DSCAM: variants seen among roughly 807,000 people sequenced by gnomAD.
DSCAM encodes cell adhesion molecule DSCAM.
In DSCAM, 47 loss-of-function variants were observed where a neutral mutation model predicts 217.7. The observed-to-expected ratio is 0.22, with a 90% CI of 0.17 to 0.28. The LOEUF (loss-of-function observed/expected upper bound fraction) is 0.28. Ranked by LOEUF, DSCAM falls within the 10% of genes least tolerant of loss-of-function variation. The pLI is 1.00. For missense variants in DSCAM, 2,080 were observed against 2,618.3 expected, an observed-to-expected ratio of 0.79 and a Z score of 4.49; for synonymous variants, 1,056 against 1,015.3, an observed-to-expected ratio of 1.04 and a Z score of -0.76.
At chr21:40,388,640 A>G (rs201592692) in intron 3 of DSCAM, among the ~76,000 whole-genome samples, 1 of 151,628 alleles carries the variant, frequency 6.6e-6, no homozygotes, top group Non-Finnish European at 1.5e-5. Flanking sequence ...GCCATTTTAA[A>G]CCCCCCCTCC....
chr21:40,543,839 GT>G (rs1315907746), intron 3 of DSCAM, among the ~76,000 whole-genome samples: 2 of 151,918 alleles, frequency 1.3e-5, no homozygotes, highest in African/African-American at 4.8e-5. Flanking sequence ...CTGTTTAAAA[GT>G]TTTATTTCAT....
At chr21:40,589,644 T>C (rs954339063) in intron 3 of DSCAM, among the ~76,000 whole-genome samples, 16 of 152,220 alleles carry the variant, frequency 1.1e-4, no homozygotes, top group African/African-American at 3.4e-4. Context: ...TTTTAAGATA[T>C]AAGGTATCAT....
intron 3 of DSCAM, among the ~76,000 whole-genome samples, chr21:40,638,583 C>T (rs536656311): frequency 2.0e-5 from 3 of 152,254 alleles, no homozygotes; most frequent in Non-Finnish European, 4.4e-5. Flanking sequence ...TAATTCAGAT[C>T]GTTTCCTCTG....
intron 8 of DSCAM, among the ~76,000 whole-genome samples, chr21:40,333,870 G>A (rs563760122): frequency 6.6e-6 from 1 of 152,264 alleles, no homozygotes; most frequent in East Asian, 1.9e-4. Flanking sequence ...AAGTAGCTGG[G>A]ATTACAGCAG....
intron 1 of DSCAM, among the ~76,000 whole-genome samples, chr21:40,778,854 A>G (rs2091513281): frequency 6.6e-6 from 1 of 151,896 alleles, no homozygotes; most frequent in Non-Finnish European, 1.5e-5. Context: ...GAGAAAACCC[A>G]TCTCTACTAA....
intron 6 of DSCAM, among the ~76,000 whole-genome samples, chr21:40,340,712 T>G (rs1463311761): frequency 6.6e-6 from 1 of 152,246 alleles, no homozygotes; most frequent in African/African-American, 2.4e-5. Flanking sequence ...TTTTTGATTT[T>G]ATTATAAAAG....
At chr21:40,242,607 G>A (rs753327733) in intron 11 of DSCAM, among the ~76,000 whole-genome samples, 7 of 152,202 alleles carry the variant, frequency 4.6e-5, no homozygotes, top group African/African-American at 7.2e-5. Context: ...AATGAGTTGT[G>A]AGCAGAAGTG....
At position 40,556,664 on chromosome 21, in the gene DSCAM, A is replaced by AGC. The variant is rs1555856744; in HGVS notation, c.508+136145_508+136146insGC. On this transcript the variant is annotated intron_variant, in intron 3 of 32. Coordinates refer to ENST00000400454, the MANE Select transcript of DSCAM (RefSeq NM_001389.5). The stretch of plus-strand genomic sequence containing the variant: ...GAGACAGAGGAAGTCAGAGAGAGAG[A>AGC]GGGGAGGTACCAGAATCTTTTTAAA... Among the ~76,000 whole-genome samples the AGC allele has an allele frequency of 5.9e-5, 9 of 151,514 alleles. No individual in the cohort carries two copies. In the East Asian group the frequency reaches 9.8e-4, roughly 17 times the overall value.
chr21:40,098,019 G>T (rs1033983663), intron 20 of DSCAM, among the ~76,000 whole-genome samples: 4 of 121,146 alleles, frequency 3.3e-5, no homozygotes, highest in Admixed American at 1.6e-4. Context: ...AGAAAGAAAT[G>T]TACTTGAAAT....
At chr21:40,480,263 C>A (rs935044542) in intron 3 of DSCAM, among the ~76,000 whole-genome samples, 2 of 152,182 alleles carry the variant, frequency 1.3e-5, no homozygotes, top group Non-Finnish European at 2.9e-5. Flanking sequence ...TAGTCTCTTT[C>A]TAGATGTGGC....
chr21:40,066,916 A>G (rs2146527945), intron 27 of DSCAM, among the ~76,000 whole-genome samples: 1 of 152,336 alleles, frequency 6.6e-6, no homozygotes, highest in South Asian at 2.1e-4. Context: ...TCAGTCTATA[A>G]TGTCCAGAAT....
chr21:40,620,496 A>G lies in DSCAM; in HGVS notation c.508+72314T>C, dbSNP rs559471908. On this transcript the variant is annotated intron_variant, in intron 3 of 32. Transcript: ENST00000400454. Reference sequence around the variant, plus strand: ...GAAAAAGGGAAGGGAAGGGAGAGAGAGGGAGGGAGGGGAGGAAGGCAAGCA... The same window carrying G: ...GAAAAAGGGAAGGGAAGGGAGAGAGGGGGAGGGAGGGGAGGAAGGCAAGCA... Among the ~76,000 whole-genome samples the G allele has an allele frequency of 5.2e-5, 7 of 134,212 alleles. No homozygotes were observed. The South Asian group carries it at 1.6e-3, about 30-fold the overall frequency. 88.0% of individuals were successfully genotyped at this position (134,212 alleles called of 152,430 possible). A position where few individuals can be genotyped will look rare whatever the true frequency, so the allele number is the denominator to read the frequency against.
intron 2 of DSCAM, among the ~76,000 whole-genome samples, chr21:40,705,527 A>G (rs1023286719): frequency 2.6e-5 from 4 of 152,288 alleles, no homozygotes; most frequent in African/African-American, 9.6e-5. Flanking sequence ...CTGCCTGGGG[A>G]GGCCTCAGGA....
At chr21:40,708,304 A>G in intron 2 of DSCAM, 150 bp downstream of exon 2, 1 of 548,134 alleles carries the variant, frequency 1.8e-6, no homozygotes, top group Non-Finnish European at 2.9e-6. Flanking sequence ...AAACAAGGAG[A>G]CCTTAAAGAA....
chr21:40,460,105 C>T (rs753937473), intron 3 of DSCAM, among the ~76,000 whole-genome samples: 17 of 152,070 alleles, frequency 1.1e-4, no homozygotes, highest in Admixed American at 2.0e-4. Flanking sequence ...AGGAGGGGAA[C>T]AACACACACT....
At position 40,729,069 on chromosome 21, in the gene DSCAM, G is replaced by A. The variant is rs937609899; in HGVS notation, c.44-20298C>T. 2.6e-5 allele frequency among the ~76,000 whole-genome samples: 4 copies of A among 152,272 alleles called. No homozygotes were observed. The East Asian group carries it at 7.7e-4, about 29-fold the overall frequency. On this transcript the variant is annotated intron_variant, in intron 1 of 32. Coordinates refer to ENST00000400454, the MANE Select transcript of DSCAM (RefSeq NM_001389.5). ...CTTTATATTCAAAGCTGTAACTATTGCTTCTGTTCTTGGCATGATTAAATA... is the reference window on the plus strand; with the variant it reads ...CTTTATATTCAAAGCTGTAACTATTACTTCTGTTCTTGGCATGATTAAATA...
chr21:40,182,676 GGGTTA>G, intron 14 of DSCAM, among the ~76,000 whole-genome samples: 1 of 128,030 alleles, frequency 7.8e-6, no homozygotes, highest in African/African-American at 3.3e-5. Flanking sequence ...GGACAGGGGG[GGGTTA>G]CCAGAGAAAC....
At chr21:40,341,324 T>A (rs2074488982) in intron 6 of DSCAM, among the ~76,000 whole-genome samples, 1 of 152,220 alleles carries the variant, frequency 6.6e-6, no homozygotes, top group Non-Finnish European at 1.5e-5. Context: ...ATTTCACGTG[T>A]CCTTTATAAT....
intron 11 of DSCAM, among the ~76,000 whole-genome samples, chr21:40,211,460 A>T (rs1283744420): frequency 6.6e-6 from 1 of 152,248 alleles, no homozygotes; most frequent in African/African-American, 2.4e-5. Flanking sequence ...GAAACTGCCA[A>T]AGAGTTTTCC....
Sources: gnomAD v4.1 joint callset for allele counts (sites outside exome capture counted in the v4.1 genomes callset) on GRCh38, gnomAD v4.1.1 for gene constraint, MANE v1.5 for transcripts, NCBI Gene and HGNC (gene_info 2026-07-23, HGNC 2026-07-21) for gene names.